Variants in KCNMB2 observed in about 807,000 individuals in gnomAD.
KCNMB2 encodes the protein potassium calcium-activated channel subfamily M regulatory beta subunit 2.
A neutral mutation model predicts 24.5 loss-of-function variants in KCNMB2; 9 were observed. The observed-to-expected ratio is 0.37, with a 90% CI of 0.22 to 0.64. KCNMB2 has a LOEUF of 0.64. Among genes scored for constraint, KCNMB2 ranks in the 30% least tolerant of loss-of-function variants. The probability of loss-of-function intolerance (pLI) is 0.63; values close to 1 mark genes in which losing one functional copy is unlikely to be tolerated. For missense variants in KCNMB2, 226 were observed against 284.3 expected (o/e 0.79, Z 1.47); for synonymous variants, 109 against 104.4 (o/e 1.04, Z -0.27).
At chr3:178,791,253 C>A (rs1250058913) in intron 1 of KCNMB2, among the ~76,000 whole-genome samples, 1 of 152,160 alleles carries the variant, frequency 6.6e-6, no homozygotes, top group Admixed American at 6.5e-5. Flanking sequence ...ATTCAAAATC[C>A]TACCAGTTAA....
intron 1 of KCNMB2, among the ~76,000 whole-genome samples, chr3:178,585,370 A>G (rs1189549085): frequency 6.6e-6 from 1 of 152,156 alleles, no homozygotes; most frequent in Non-Finnish European, 1.5e-5. Context: ...GGCTTCATTT[A>G]AGTCCAAGTT....
chr3:178,656,728 C>T (rs375757777), intron 1 of KCNMB2, among the ~76,000 whole-genome samples: 9 of 152,028 alleles, frequency 5.9e-5, no homozygotes, highest in Non-Finnish European at 1.2e-4. Flanking sequence ...GCCGAGATCG[C>T]GCCACTGCCC....
intron 1 of KCNMB2, among the ~76,000 whole-genome samples, chr3:178,718,009 T>A (rs1294640692): frequency 6.6e-6 from 1 of 152,228 alleles, no homozygotes. Flanking sequence ...ACTGCCACCA[T>A]CTTTAACAAT....
rs541037458 is a variant in KCNMB2, at chr3:178,634,368, C to T, written c.-68+97657C>T. Among the ~76,000 whole-genome samples the T allele has an allele frequency of 1.4e-4, 21 of 152,236 alleles. No homozygotes were observed. In the South Asian group the frequency reaches 3.9e-3, roughly 29 times the overall value. On this transcript the variant is annotated intron_variant, in intron 1 of 4. Coordinates refer to ENST00000452583, the MANE Select transcript of KCNMB2 (RefSeq NM_181361.3). The stretch of plus-strand genomic sequence containing the variant: ...ATGAAGGAAAGAGGTTTAATTGACT[C>T]ACAGTTCAGCATGACCAGGGAGGCC...
intron 1 of KCNMB2, among the ~76,000 whole-genome samples, chr3:178,653,553 T>C (rs770820873): frequency 2.0e-5 from 3 of 152,162 alleles, no homozygotes; most frequent in African/African-American, 2.4e-5. Context: ...CCTTTTGATA[T>C]GTAGCTTCTA....
chr3:178,774,653 C>T (rs575358785), intron 1 of KCNMB2, among the ~76,000 whole-genome samples: 6 of 152,170 alleles, frequency 3.9e-5, no homozygotes, highest in Non-Finnish European at 8.8e-5. Context: ...AGGGCACCCC[C>T]GCTCTGGACT....
intron 1 of KCNMB2, among the ~76,000 whole-genome samples, chr3:178,582,972 T>G (rs897035156): frequency 6.6e-6 from 1 of 152,220 alleles, no homozygotes; most frequent in African/African-American, 2.4e-5. Context: ...AAGACAATAT[T>G]ATATGTAAAA....
At chr3:178,784,768 T>C (rs1326580842) in intron 1 of KCNMB2, among the ~76,000 whole-genome samples, 1 of 151,752 alleles carries the variant, frequency 6.6e-6, no homozygotes, top group Non-Finnish European at 1.5e-5. Context: ...GAGTAGGATT[T>C]AGAATTTCAA....
At chr3:178,714,018 T>C (rs1722538265) in intron 1 of KCNMB2, among the ~76,000 whole-genome samples, 1 of 152,158 alleles carries the variant, frequency 6.6e-6, no homozygotes, top group Admixed American at 6.5e-5. Context: ...AACTCTCAAG[T>C]TTTTCTGTTG....
At chr3:178,667,928 A>G (rs1158111340) in intron 1 of KCNMB2, among the ~76,000 whole-genome samples, 1 of 152,138 alleles carries the variant, frequency 6.6e-6, no homozygotes, top group Admixed American at 6.6e-5. Flanking sequence ...GCTGGGGGCG[A>G]ATAATTACTG....
chr3:178,829,261 C>G (rs545382225), intron 4 of KCNMB2, among the ~76,000 whole-genome samples: 7 of 151,834 alleles, frequency 4.6e-5, no homozygotes, highest in African/African-American at 1.7e-4. Flanking sequence ...CAGGATAAAC[C>G]CTTCTGACCT....
At chr3:178,796,251 C>T (rs1198746447) in intron 1 of KCNMB2, among the ~76,000 whole-genome samples, 1 of 151,786 alleles carries the variant, frequency 6.6e-6, no homozygotes, top group Non-Finnish European at 1.5e-5. Context: ...ACACTGGAGC[C>T]CCTAGATATA....
intron 1 of KCNMB2, among the ~76,000 whole-genome samples, chr3:178,551,495 C>A (rs943514087): frequency 2.0e-5 from 3 of 152,170 alleles, no homozygotes; most frequent in Admixed American, 6.5e-5. Flanking sequence ...GCCTTTCGAA[C>A]CTTCTTCACT....
intron 1 of KCNMB2, among the ~76,000 whole-genome samples, chr3:178,708,965 C>T (rs1356876628): frequency 6.6e-6 from 1 of 152,072 alleles, no homozygotes; most frequent in African/African-American, 2.4e-5. Context: ...CTAGCTTTAC[C>T]TTCTTTATCA....
At chr3:178,669,543 G>C (rs1408256343) in intron 1 of KCNMB2, among the ~76,000 whole-genome samples, 1 of 152,100 alleles carries the variant, frequency 6.6e-6, no homozygotes, top group African/African-American at 2.4e-5. Flanking sequence ...AGTGTTGCTT[G>C]AAGCCTCACC....
At chr3:178,628,022 TA>T (rs1391665664) in intron 1 of KCNMB2, among the ~76,000 whole-genome samples, 12 of 152,216 alleles carry the variant, frequency 7.9e-5, no homozygotes, top group African/African-American at 2.9e-4. Flanking sequence ...AGCCCAGTTT[TA>T]ATTAAGAAAA....
At chr3:178,838,603 C>G (rs775242266) in intron 4 of KCNMB2, among the ~76,000 whole-genome samples, 1 of 151,640 alleles carries the variant, frequency 6.6e-6, no homozygotes, top group Non-Finnish European at 1.5e-5. Flanking sequence ...GCCTGTGTGC[C>G]CACTGATAAA....
chr3:178,795,636 G>A (rs2108443732), intron 1 of KCNMB2, among the ~76,000 whole-genome samples: 1 of 152,244 alleles, frequency 6.6e-6, no homozygotes, highest in South Asian at 2.1e-4. Flanking sequence ...CTTAGGGGCT[G>A]GGAACAGGAA....
intron 1 of KCNMB2, among the ~76,000 whole-genome samples, chr3:178,695,240 C>G (rs904487778): frequency 1.3e-5 from 2 of 152,222 alleles, no homozygotes; most frequent in African/African-American, 4.8e-5. Context: ...GTCCCCATGG[C>G]ACAGAGCAGG....
Sources: gnomAD v4.1 joint callset for allele counts (sites outside exome capture counted in the v4.1 genomes callset) on GRCh38, gnomAD v4.1.1 for gene constraint, MANE v1.5 for transcripts, NCBI Gene and HGNC (gene_info 2026-07-23, HGNC 2026-07-21) for gene names.